The following CRAT variants were observed in gnomAD, a reference collection of about 807,000 sequenced individuals.
CRAT encodes carnitine acetylase.
A neutral mutation model predicts 73.7 loss-of-function variants in CRAT; 66 were observed. The observed-to-expected ratio is 0.90, with a 90% confidence interval of 0.73 to 1.10. The LOEUF is 1.10. Ranked by LOEUF, CRAT falls within the 50% of genes least tolerant of loss-of-function variation. The pLI is 0.00. For missense variants in CRAT, 745 were observed against 846.9 expected, an observed-to-expected ratio of 0.88 and a Z score of 1.49; for synonymous variants, 321 against 343.2, an observed-to-expected ratio of 0.94 and a Z score of 0.71.
chr9:129,097,922 C>T (rs959123716), intron 11 of CRAT, 91 bp downstream of exon 11: 261 of 1,534,542 alleles, frequency 1.7e-4, no homozygotes, highest in Non-Finnish European at 2.2e-4. Context: ...GGGCTGGAAT[C>T]CTGTAGGTGC....
At position 129,103,019 on chromosome 9, in the gene CRAT, A is replaced by G. The variant is rs746965479; in HGVS notation, c.458T>C (p.Ile153Thr). The part of the protein sequence containing the change: ...IEGVLDFKVM[I>T]DNETLPVEYL... The stretch of plus-strand genomic sequence containing the variant: ...CAGGGGTGGGGATGCTCACTTGTCA[A>G]TCATGACCTTGAAATCCAACACACC... Residue 153 changes from isoleucine to threonine, a missense_variant, in exon 4 of 14, where the codon ATT becomes ACT. Ile to Thr is a moderately conservative substitution (Grantham distance 89). Transcript: ENST00000318080. The surrounding 1 kb of genome is among the most constrained non-coding windows in gnomAD (Gnocchi z 4.6). 17 of 1,613,932 alleles carry G rather than the reference A, an allele frequency of 1.1e-5. No homozygotes were observed. The East Asian group carries it at 2.5e-4, about 23-fold the overall frequency.
chr9:129,108,625 C>T (rs1848168451), intron 1 of CRAT: 19 of 1,141,756 alleles, frequency 1.7e-5, no homozygotes, highest in South Asian at 7.2e-5. Flanking sequence ...GCGAGAGAGC[C>T]GGGTGGCCTG....
rs775984299 is a variant in CRAT, at chr9:129,101,906, T to C, written c.782A>G (p.Lys261Arg). 1 of 1,614,048 alleles carries C rather than the reference T, an allele frequency of 6.2e-7. No homozygotes were observed. The highest frequency in any genetic ancestry group is 1.1e-5 in the South Asian group (1 of 91,064). The change falls in exon 6 of 14, where the codon AAG becomes AGG. Residue 261 changes from lysine to arginine, a missense_variant. Lys to Arg is a conservative substitution (Grantham distance 26). Coordinates refer to ENST00000318080, the MANE Select transcript of CRAT (RefSeq NM_000755.5). ...LTSNHRNSWA[K>R]AYNTLIKDKV... The stretch of plus-strand genomic sequence containing the variant: ...ACCTTTGATGAGGGTGTTGTATGCC[T>C]TGGCCCAGGAGTTGCGGTGGTTGGA...
chr9:129,110,761 C>T lies in CRAT; in HGVS notation c.-252G>A, dbSNP rs992198825. On this transcript the variant is annotated 5_prime_UTR_variant, in exon 1 of 14. Coordinates refer to ENST00000318080, the MANE Select transcript of CRAT (RefSeq NM_000755.5). The surrounding 1 kb of genome is among the most constrained non-coding windows in gnomAD (Gnocchi z 5.3). ...CCGGTAGCGGGCCCCGGGCGGGCAA[C>T]GGTGCCCGGGAGGTTGGCTGTGGGG... 3 of 396,566 alleles carry T rather than the reference C, an allele frequency of 7.6e-6. No individual in the cohort carries two copies. Among genetic ancestry groups the T allele is most frequent in the Admixed American group, 5.3e-5 (1 of 18,946 alleles). 24.6% of individuals were successfully genotyped at this position (396,566 alleles called of 1,614,324 possible). A position where few individuals can be genotyped will look rare whatever the true frequency, so the allele number is the denominator to read the frequency against.
intron 7 of CRAT, 87 bp from the exon 8 acceptor site, chr9:129,100,053 C>T (rs1340544220): frequency 2.1e-6 from 2 of 969,712 alleles, no homozygotes; most frequent in South Asian, 1.4e-5. Context: ...AGGCAAGGGC[C>T]TCTCTGAAGC....
intron 1 of CRAT, chr9:129,108,294 CA>C: frequency 9.3e-7 from 1 of 1,071,790 alleles, no homozygotes; most frequent in Non-Finnish European, 1.2e-6. Context: ...GGGGTGTGGC[CA>C]TGGTTCTTAG....
Position 129,098,557 on chromosome 9 carries a change from G to C in CRAT, c.1179C>G (p.Ile393Met), listed in dbSNP as rs1198735780. The C allele has an allele frequency of 1.2e-6, 2 of 1,607,672 alleles. No individual in the cohort carries two copies. Among genetic ancestry groups the C allele is most frequent in the Admixed American group, 1.7e-5 (1 of 57,804 alleles). Reference sequence around the variant, plus strand: ...TGCTGAGGTTCTGCTTGGCCTTCTCGATGTCGCTCTTGATCTCGGGGGTGA... The same window carrying C: ...TGCTGAGGTTCTGCTTGGCCTTCTCCATGTCGCTCTTGATCTCGGGGGTGA... Reference protein sequence around the residue: ...FNITPEIKSDIEKAKQNLSIM... With the variant: ...FNITPEIKSDMEKAKQNLSIM... Residue 393 changes from isoleucine to methionine, a missense_variant, in exon 9 of 14, where the codon ATC becomes ATG. Coordinates refer to ENST00000318080, the MANE Select transcript of CRAT (RefSeq NM_000755.5).
At position 129,104,224 on chromosome 9, in the gene CRAT, G is replaced by C; in HGVS notation, c.374C>G (p.Pro125Arg). ...CTGCAGGTCCACGAAGTCCTGCTTG[G>C]GTAGCATCACGCCTGGGCTCGAGTA... is the stretch of plus-strand genomic sequence containing the variant. Reference protein sequence around the residue: ...VIYSSPGVMLPKQDFVDLQGQ... With the variant: ...VIYSSPGVMLRKQDFVDLQGQ... The change falls in exon 3 of 14, where the codon CCC becomes CGC. Residue 125 changes from proline (P) to arginine (R), a missense_variant. Pro to Arg is a moderately radical substitution (Grantham distance 103). Transcript: ENST00000318080. 1 of 1,612,430 alleles carries C rather than the reference G, an allele frequency of 6.2e-7. No individual in the cohort carries two copies. The highest frequency in any genetic ancestry group is 1.1e-5 in the South Asian group (1 of 90,662).
At chr9:129,108,333 G>C in intron 1 of CRAT, 1 of 1,216,684 alleles carries the variant, frequency 8.2e-7, no homozygotes, top group African/African-American at 1.5e-5. Flanking sequence ...AAGTCAGGAT[G>C]AACGGCACCT....
At chr9:129,102,869 C>G (rs1847775784) in intron 4 of CRAT, 144 bp downstream of exon 4, 4 of 827,870 alleles carry the variant, frequency 4.8e-6, no homozygotes, top group Non-Finnish European at 6.3e-6. Flanking sequence ...GGGACAGGGT[C>G]ACCCACCAAG....
rs574216369 is a variant in CRAT, at chr9:129,097,565, C to T, written c.1465-253G>A. 2.4e-4 allele frequency among the ~76,000 whole-genome samples: 36 copies of T among 152,058 alleles called. No homozygotes were observed. The South Asian group carries it at 4.6e-3, about 19-fold the overall frequency. ...TTCTACTAAAAATACAAAAATTAGC[C>T]GGGCATGGTGGCAGGCACCTGTAGT... On this transcript the variant is annotated intron_variant, in intron 11 of 13. Coordinates refer to ENST00000318080, the MANE Select transcript of CRAT (RefSeq NM_000755.5).
rs547305156 is a variant in CRAT, at chr9:129,102,449, C to T, written c.581G>A (p.Ser194Asn). ...GPKQDTVSNF[S>N]KTKKPPTHIT... is the part of the protein sequence containing the mutation. ...GTGCGTGGGAGGCTTCTTGGTCTTG[C>T]TGAAGTTGCTGACTGTGTCCTGCTT... is the stretch of plus-strand genomic sequence containing the variant. The change falls in exon 5 of 14, where the codon AGC becomes AAC. Residue 194 changes from serine (S) to asparagine (N), a missense_variant. Ser to Asn is a conservative substitution (Grantham distance 46, BLOSUM62 1). Coordinates refer to ENST00000318080, the MANE Select transcript of CRAT (RefSeq NM_000755.5). 1.9e-6 allele frequency: 3 copies of T among 1,614,196 alleles called. No homozygotes were observed. In the South Asian group the frequency reaches 3.3e-5, roughly 18 times the overall value.
intron 2 of CRAT, among the ~76,000 whole-genome samples, chr9:129,105,996 G>A (rs767571680): frequency 1.7e-4 from 26 of 152,146 alleles, no homozygotes; most frequent in Non-Finnish European, 3.8e-4. Context: ...AGCCAGTACA[G>A]CTTTCTCTGG....
At chr9:129,101,692 G>C (rs896652020) in intron 6 of CRAT, among the ~76,000 whole-genome samples, 191 bp downstream of exon 6, 2 of 152,096 alleles carry the variant, frequency 1.3e-5, no homozygotes, top group South Asian at 2.1e-4. Context: ...GTGGAGACCA[G>C]AACTCTGCGC....
chr9:129,103,807 ATGTGGAAAAGAGGAC>A lies in CRAT; in HGVS notation c.410+366_410+380del, dbSNP rs1465831126. On this transcript the variant is annotated intron_variant, in intron 3 of 13. Transcript: ENST00000318080. This position sits in a 1 kb window ranked among gnomAD's most constrained non-coding sequence, Gnocchi z 4.6. The stretch of plus-strand genomic sequence containing the variant: ...GGGCTGGGGCAGGTGACCTGGCTGA[ATGTGGAAAAGAGGAC>A]TGTGTACAGAGGTCACCCCTGTGGC... Among the ~76,000 whole-genome samples, 1 of 152,176 alleles carries A rather than the reference ATGTGGAAAAGAGGAC, an allele frequency of 6.6e-6. No homozygotes were observed. The highest frequency in any genetic ancestry group is 1.5e-5 in the Non-Finnish European group (1 of 68,032).
chr9:129,100,008 G>T, intron 7 of CRAT, 42 bp from the exon 8 acceptor site: 2 of 1,566,080 alleles, frequency 1.3e-6, no homozygotes, highest in South Asian at 1.1e-5. Flanking sequence ...CCAGGGCCCT[G>T]GGGGGTGGCC....
rs1227029647 is a variant in CRAT, at chr9:129,107,826, C to T, written c.279G>A (p.Lys93=). Residue 93 remains lysine (K), a synonymous_variant, in exon 2 of 14, where the codon AAG becomes AAA. Transcript: ENST00000318080. This position sits in a 1 kb window ranked among gnomAD's most constrained non-coding sequence, Gnocchi z 5.0. ...TGCCCTCACTCACCCAGTTCTCCGT[C>T]TTCCTGGCCCGACGCTCCAGCCCCT... ...LQKGLERRAR[K]TENWLSEWWL... is the part of the protein sequence containing the mutation. 1 of 1,612,950 alleles carries T rather than the reference C, an allele frequency of 6.2e-7. No homozygotes were observed. Among genetic ancestry groups the T allele is most frequent in the Non-Finnish European group, 8.5e-7 (1 of 1,180,036 alleles).
At chr9:129,105,063 G>C (rs1174249753) in intron 2 of CRAT, among the ~76,000 whole-genome samples, 1 of 147,512 alleles carries the variant, frequency 6.8e-6, no homozygotes, top group Non-Finnish European at 1.5e-5. Flanking sequence ...ACTGTGCCCG[G>C]CTAATTTTTT....
rs1330098744 is a variant in CRAT at position 129,107,925 on chromosome 9, C to T, written c.180G>A (p.Glu60=). 3.1e-6 allele frequency: 5 copies of T among 1,610,382 alleles called. No individual in the cohort carries two copies. Among genetic ancestry groups the T allele is most frequent in the African/African-American group, 1.3e-5 (1 of 74,940 alleles). The change falls in exon 2 of 14, where the codon GAG becomes GAA. Residue 60 remains glutamate (E), a synonymous_variant. Transcript: ENST00000318080. The surrounding 1 kb of genome is among the most constrained non-coding windows in gnomAD (Gnocchi z 5.0). ...GCTGCTTGGTGTGGGCCCACTCCTC[C>T]TCACTCACGATGGGCTGCAGCGCCT... ...YLKALQPIVS[E]EEWAHTKQLV...
Sources: gnomAD v4.1 joint callset for allele counts (sites outside exome capture counted in the v4.1 genomes callset) on GRCh38, gnomAD v4.1.1 for gene constraint, Gnocchi (gnomAD v3.1) non-coding constraint, MANE v1.5 for transcripts, NCBI Gene and HGNC (gene_info 2026-07-23, HGNC 2026-07-21) for gene names.